The following ZNF599 variants were observed in gnomAD, a reference collection of about 807,000 sequenced individuals.
ZNF599 encodes the protein zinc finger protein 599.
ZNF599 carries 10 observed loss-of-function variants against 11.7 expected under a neutral mutation model. That is an observed-to-expected ratio of 0.86 (90% CI 0.53 to 1.45). The LOEUF is 1.45. Ranked by LOEUF, ZNF599 falls within the 40% of genes most tolerant of loss-of-function variation. The pLI, the probability that ZNF599 is intolerant of heterozygous loss-of-function variation, is 0.00. For synonymous variants in ZNF599, 232 were observed against 253.2 expected (o/e 0.92, Z 0.79); for missense variants, 688 against 713.6 (o/e 0.96, Z 0.41).
In ZNF599 at chr19:34,759,814, A is replaced by T. The variant is rs1327964024; in HGVS notation, c.987T>A (p.His329Gln). The part of the protein sequence containing the change: ...AFYYSSSFAQ[H>Q]MRIHTGKKLY... ...GTTTCTTTCCAGTATGAATCCTCAT[A>T]TGTTGAGCAAATGAGGAGCTGTAGT... The change falls in exon 4 of 4, where the codon CAT becomes CAA. Residue 329 changes from histidine (H) to glutamine (Q), a missense_variant. Transcript: ENST00000329285. The T allele has an allele frequency of 6.2e-7, 1 of 1,614,184 alleles. No homozygotes were observed. Among genetic ancestry groups the T allele is most frequent in the African/African-American group, 1.3e-5 (1 of 75,048 alleles).
Position 34,767,377 on chromosome 19 carries a change from T to G in ZNF599, c.180A>C (p.Leu60=), listed in dbSNP as rs764497564. The part of the protein sequence containing the change: ...HPVPKPELIY[L]LEHGQELWTV... ...TCCACAGTTCCTGTCCATGTTCCAG[T>G]AGATAGATCAGCTCTGGTTTGGGAA... The change falls in exon 3 of 4, where the codon CTA becomes CTC. Residue 60 remains leucine (L), a synonymous_variant. Coordinates refer to ENST00000329285, the MANE Select transcript of ZNF599 (RefSeq NM_001007248.3). 3 of 1,614,078 alleles carry G rather than the reference T, an allele frequency of 1.9e-6. No homozygotes were observed. The highest frequency in any genetic ancestry group is 1.7e-6 in the Non-Finnish European group (2 of 1,179,982).
At chr19:34,782,695 C>T in the ZNF599 span, among the ~76,000 whole-genome samples, 1 of 152,204 alleles carries the variant, frequency 6.6e-6, no homozygotes, top group Non-Finnish European at 1.5e-5. Context: ...GGCAAGGGGA[C>T]AGGAAGAAAC....
At chr19:34,802,143 G>C in the ZNF599 span, among the ~76,000 whole-genome samples, 2 of 152,202 alleles carry the variant, frequency 1.3e-5, no homozygotes, top group Non-Finnish European at 2.9e-5. Flanking sequence ...TTGGTGAGAA[G>C]GGGCACTGAC....
upstream of ZNF599, among the ~76,000 whole-genome samples, chr19:34,775,782 G>T (rs1219589040): frequency 6.6e-6 from 1 of 152,146 alleles, no homozygotes. Flanking sequence ...CTTTATTTAT[G>T]AGGATACTCA....
upstream of ZNF599, among the ~76,000 whole-genome samples, chr19:34,774,808 G>C (rs1000918854): frequency 6.6e-6 from 1 of 152,196 alleles, no homozygotes; most frequent in South Asian, 2.1e-4. Context: ...ATCTCAGGGT[G>C]ATATGTTATG....
the ZNF599 span, among the ~76,000 whole-genome samples, chr19:34,791,476 G>C: frequency 6.6e-6 from 1 of 152,188 alleles, no homozygotes; most frequent in African/African-American, 2.4e-5. Context: ...CCTTGTGCTG[G>C]GCTGCTGATA....
At chr19:34,806,441 T>A in the ZNF599 span, among the ~76,000 whole-genome samples, 1 of 152,186 alleles carries the variant, frequency 6.6e-6, no homozygotes, top group Non-Finnish European at 1.5e-5. Context: ...TTCACAACCC[T>A]GCATGGCTCC....
At chr19:34,800,740 C>T in the ZNF599 span, among the ~76,000 whole-genome samples, 51,680 of 151,652 alleles carry the variant, frequency 0.34, 9,377 homozygotes, top group South Asian at 0.44. Flanking sequence ...GGATTACAGG[C>T]GTGCACCACT....
upstream of ZNF599, among the ~76,000 whole-genome samples, chr19:34,775,025 C>G (rs1199054883): frequency 2.6e-5 from 4 of 152,318 alleles, no homozygotes; most frequent in South Asian, 4.1e-4. Flanking sequence ...TGCTCCTGCT[C>G]TCACCATGTG....
the ZNF599 span, among the ~76,000 whole-genome samples, chr19:34,794,550 T>C: frequency 6.6e-6 from 1 of 151,822 alleles, no homozygotes; most frequent in Middle Eastern, 3.2e-3. Context: ...TCAGAGATTA[T>C]ATACTCCTCC....
chr19:34,768,373 C>T (rs77932275), intron 2 of ZNF599, among the ~76,000 whole-genome samples: 2,185 of 152,296 alleles, frequency 0.014, 42 homozygotes, highest in South Asian at 0.083. Context: ...AATAACACCA[C>T]GTTTACTTCA....
At chr19:34,768,295 T>A (rs964289126) in intron 2 of ZNF599, among the ~76,000 whole-genome samples, 1 of 152,226 alleles carries the variant, frequency 6.6e-6, no homozygotes. Context: ...GCTGCTCATG[T>A]TGGTCCCTCC....
chr19:34,780,418 A>G, the ZNF599 span, among the ~76,000 whole-genome samples: 19,623 of 152,000 alleles, frequency 0.13, 1,349 homozygotes, highest in Middle Eastern at 0.21. Flanking sequence ...CTGAGGTGGG[A>G]GGATTGCTTG....
the ZNF599 span, among the ~76,000 whole-genome samples, chr19:34,799,709 T>C: frequency 6.6e-6 from 1 of 152,220 alleles, no homozygotes; most frequent in African/African-American, 2.4e-5. Context: ...CACCAGAGAT[T>C]GAGGCCTCCC....
Position 34,760,350 on chromosome 19 carries a change from T to G in ZNF599, c.451A>C (p.Ser151Arg). The G allele has an allele frequency of 1.2e-6, 2 of 1,614,178 alleles. No homozygotes were observed. The highest frequency in any genetic ancestry group is 1.7e-6 in the Non-Finnish European group (2 of 1,180,024). The change falls in exon 4 of 4, where the codon AGT becomes CGT. Residue 151 changes from serine (S) to arginine (R), a missense_variant. Physicochemically the swap from Ser to Arg is moderately radical, Grantham distance 110. Transcript: ENST00000329285. The part of the protein sequence containing the change: ...PHKEICPEKL[S>R]YKHDDLEPDD... ...GGCTCCAAATCATCATGTTTATAAC[T>G]CAACTTCTCAGGGCATATCTCTTTG...
At chr19:34,764,546 T>C (rs936737278) in intron 3 of ZNF599, 1 of 152,066 alleles carries the variant, frequency 6.6e-6, no homozygotes, top group Admixed American at 6.6e-5. Context: ...AATAGGAAAA[T>C]GGGTATATGT....
At chr19:34,799,010 T>C in the ZNF599 span, among the ~76,000 whole-genome samples, 1 of 147,448 alleles carries the variant, frequency 6.8e-6, no homozygotes, top group African/African-American at 2.5e-5. Context: ...TACACAGCAC[T>C]TTTTTTTTTG....
upstream of ZNF599, among the ~76,000 whole-genome samples, chr19:34,775,926 G>C (rs62124172): frequency 2.0e-5 from 3 of 152,144 alleles, no homozygotes; most frequent in African/African-American, 4.8e-5. Context: ...AGAGTCAAGG[G>C]AAGTTATGAA....
At chr19:34,780,836 A>G in the ZNF599 span, among the ~76,000 whole-genome samples, 1 of 152,182 alleles carries the variant, frequency 6.6e-6, no homozygotes, top group East Asian at 1.9e-4. Flanking sequence ...AAAAGAAAGA[A>G]GAAAAGTCAA....
Sources: allele counts gnomAD v4.1 joint callset (sites outside exome capture counted in the v4.1 genomes callset), GRCh38; gene constraint gnomAD v4.1.1; transcripts MANE v1.5; gene names NCBI Gene and HGNC (gene_info 2026-07-23, HGNC 2026-07-21).